Variants in CSMD1 observed in about 807,000 individuals in gnomAD.
CSMD1 encodes CUB and Sushi multiple domains 1, also known as CUB and sushi domain-containing protein 1.
A neutral mutation model predicts 417.5 loss-of-function variants in CSMD1; 213 were observed. That is an observed-to-expected ratio of 0.51 (90% CI 0.46 to 0.57). The LOEUF is 0.57. CSMD1 is among the 20% of genes least tolerant of loss of function. The pLI, the probability that CSMD1 is intolerant of heterozygous loss-of-function variation, is 0.00. For synonymous variants in CSMD1, 2,862 were observed against 1,736.8 expected (o/e 1.65, Z -16.11); for missense variants, 6,923 against 4,529.7 (o/e 1.53, Z -15.17).
intron 3 of CSMD1, among the ~76,000 whole-genome samples, chr8:4,044,667 T>C (rs1798056634): frequency 6.6e-6 from 1 of 152,106 alleles, no homozygotes; most frequent in Non-Finnish European, 1.5e-5. Flanking sequence ...CCTGGGCGTG[T>C]ACCACCCTGG....
chr8:3,795,224 G>C (rs1347985370), intron 5 of CSMD1, among the ~76,000 whole-genome samples: 2 of 106,266 alleles, frequency 1.9e-5, no homozygotes, highest in African/African-American at 4.1e-5. Flanking sequence ...ATCATGTACA[G>C]ATATAGATAT....
intron 1 of CSMD1, among the ~76,000 whole-genome samples, chr8:4,816,811 G>C (rs1339686659): frequency 1.3e-5 from 2 of 152,170 alleles, no homozygotes; most frequent in African/African-American, 2.4e-5. Context: ...AGATGTCACA[G>C]AGCCAGAACT....
chr8:4,266,608 G>A (rs144349314), intron 3 of CSMD1, among the ~76,000 whole-genome samples: 2,044 of 104,786 alleles, frequency 0.02, 750 homozygotes, highest in Non-Finnish European at 0.037. Context: ...CACTAATGGC[G>A]TAAAGTGACC....
intron 5 of CSMD1, among the ~76,000 whole-genome samples, chr8:3,967,558 G>A (rs944638254): frequency 6.6e-6 from 1 of 152,120 alleles, no homozygotes; most frequent in African/African-American, 2.4e-5. Context: ...AGTGAGTTCA[G>A]CAAATATCAC....
In CSMD1 at chr8:4,139,661, G is replaced by A. The variant is rs955039075; in HGVS notation, c.416-107562C>T. On this transcript the variant is annotated intron_variant, in intron 3 of 69. Transcript: ENST00000635120. ...GGACCAGCAGATGCAAGGGCAAAGG[G>A]ATGCCAAACAGTGCCATTTGCAAAT... Among the ~76,000 whole-genome samples, 2 of 151,172 alleles carry A rather than the reference G, an allele frequency of 1.3e-5. 1 individual carries two copies. The highest frequency in any genetic ancestry group is 4.9e-5 in the African/African-American group (2 of 40,490).
chr8:3,929,442 G>C (rs534616717), intron 5 of CSMD1, among the ~76,000 whole-genome samples: 1 of 150,518 alleles, frequency 6.6e-6, no homozygotes, highest in South Asian at 2.1e-4. Flanking sequence ...GGGTCCAAAA[G>C]CTGGAGGGGA....
intron 10 of CSMD1, among the ~76,000 whole-genome samples, chr8:3,512,768 G>C (rs567425345): frequency 2.6e-5 from 4 of 151,696 alleles, no homozygotes; most frequent in Admixed American, 2.6e-4. Flanking sequence ...GCCACCACAC[G>C]CAGGTTTTTT....
intron 3 of CSMD1, among the ~76,000 whole-genome samples, chr8:4,227,121 C>T (rs1156657350): frequency 1.3e-5 from 2 of 152,136 alleles, no homozygotes; most frequent in Non-Finnish European, 2.9e-5. Flanking sequence ...AAATCGCCCC[C>T]AAGAGAAGGG....
At chr8:4,923,243 T>A (rs1806619779) in intron 1 of CSMD1, among the ~76,000 whole-genome samples, 1 of 152,214 alleles carries the variant, frequency 6.6e-6, no homozygotes, top group African/African-American at 2.4e-5. Flanking sequence ...ATTAAACAGC[T>A]GTCCTTTCTT....
rs78230468 is a variant in CSMD1, at chr8:3,902,280, C to T, written c.818+95623G>A. On this transcript the variant is annotated intron_variant, in intron 5 of 69. Transcript: ENST00000635120. The stretch of plus-strand genomic sequence containing the variant: ...GGGTCCATTGATTAAGTCATGCCCT[C>T]ACCCATTACTGTCAAATCCTGTTAC... Among the ~76,000 whole-genome samples, 1,463 of 152,266 alleles carry T rather than the reference C, an allele frequency of 9.6e-3. 10 individuals are homozygous for T. Among genetic ancestry groups the T allele is most frequent in the African/African-American group, 0.016 (669 of 41,552 alleles).
intron 3 of CSMD1, among the ~76,000 whole-genome samples, chr8:4,417,276 A>T (rs922396447): frequency 2.6e-5 from 4 of 152,032 alleles, no homozygotes; most frequent in African/African-American, 7.2e-5. Flanking sequence ...ATTTGTTTCT[A>T]TTCTCATTAT....
At chr8:4,242,648 T>C (rs748956586) in intron 3 of CSMD1, among the ~76,000 whole-genome samples, 12 of 152,172 alleles carry the variant, frequency 7.9e-5, no homozygotes, top group African/African-American at 2.4e-4. Flanking sequence ...TGTTTGGAAA[T>C]AGATTCCCTC....
chr8:3,553,729 T>G (rs7004293), intron 10 of CSMD1, among the ~76,000 whole-genome samples: 79,483 of 152,020 alleles, frequency 0.52, 20,989 homozygotes, highest in East Asian at 0.62. Context: ...CATTAAAATA[T>G]GTGAAGTAGA....
intron 23 of CSMD1, among the ~76,000 whole-genome samples, chr8:3,339,568 C>G (rs930989686): frequency 3.3e-5 from 5 of 152,184 alleles, no homozygotes; most frequent in Non-Finnish European, 7.3e-5. Context: ...ATTGACGAAG[C>G]TGGTCCATGT....
intron 1 of CSMD1, among the ~76,000 whole-genome samples, chr8:4,901,019 T>A (rs1053927372): frequency 1.5e-4 from 23 of 152,186 alleles, no homozygotes; most frequent in African/African-American, 4.6e-4. Flanking sequence ...AAGTAAAGAA[T>A]GCCGATGTTC....
chr8:3,274,507 T>C (rs1802124357), intron 26 of CSMD1, among the ~76,000 whole-genome samples: 1 of 152,186 alleles, frequency 6.6e-6, no homozygotes, highest in South Asian at 2.1e-4. Context: ...CTTGTTGATC[T>C]GTCTAAAGTT....
chr8:4,656,947 C>T (rs1804270301), intron 1 of CSMD1, among the ~76,000 whole-genome samples: 1 of 152,030 alleles, frequency 6.6e-6, no homozygotes, highest in African/African-American at 2.4e-5. Context: ...TTTGTCTTTG[C>T]ATCACCCGAT....
At chr8:3,082,502 G>C (rs1433622584) in intron 49 of CSMD1, among the ~76,000 whole-genome samples, 5 of 152,026 alleles carry the variant, frequency 3.3e-5, no homozygotes, top group African/African-American at 4.8e-5. Flanking sequence ...ATATTGACTT[G>C]TACTTATCAG....
intron 7 of CSMD1, among the ~76,000 whole-genome samples, chr8:3,628,600 G>C (rs931086570): frequency 6.6e-6 from 1 of 152,162 alleles, no homozygotes; most frequent in African/African-American, 2.4e-5. Context: ...CAAGTGCAGG[G>C]GGAGGAAGAG....
Sources: gnomAD v4.1 joint callset for allele counts (sites outside exome capture counted in the v4.1 genomes callset) on GRCh38, gnomAD v4.1.1 for gene constraint, MANE v1.5 for transcripts, NCBI Gene and HGNC (gene_info 2026-07-23, HGNC 2026-07-21) for gene names.